Variants in DENND2A observed in about 807,000 individuals in gnomAD.
The protein encoded by DENND2A is DENN domain containing 2A, also known as DENN domain-containing protein 2A.
In DENND2A, 53 loss-of-function variants were observed where a neutral mutation model predicts 105.3. That is an observed-to-expected ratio of 0.50 (90% CI 0.40 to 0.63). The LOEUF is 0.63. Ranked by LOEUF, DENND2A falls within the 30% of genes least tolerant of loss-of-function variation. DENND2A has a pLI of 0.00. For synonymous variants in DENND2A, 522 were observed against 508.4 expected, an observed-to-expected ratio of 1.03 and a Z score of -0.36; for missense variants, 1,138 against 1,279.6, an observed-to-expected ratio of 0.89 and a Z score of 1.69.
chr7:140,542,339 G>A (rs1796697546), intron 14 of DENND2A, among the ~76,000 whole-genome samples: 1 of 152,168 alleles, frequency 6.6e-6, no homozygotes, highest in African/African-American at 2.4e-5. Flanking sequence ...TGCCCACTGG[G>A]ACGGGGGTGG....
At chr7:140,542,528 A>G (rs1333443750) in intron 14 of DENND2A, among the ~76,000 whole-genome samples, 1 of 149,034 alleles carries the variant, frequency 6.7e-6, no homozygotes. Flanking sequence ...TCTCTGGGCC[A>G]GCCCTAGTGA....
intron 18 of DENND2A, among the ~76,000 whole-genome samples, chr7:140,520,778 C>T (rs1327400760): frequency 6.6e-6 from 1 of 151,490 alleles, no homozygotes; most frequent in African/African-American, 2.4e-5. Context: ...AGGTTGGTCT[C>T]GAACTCCTGA....
chr7:140,584,504 G>A (rs923014212), intron 5 of DENND2A, among the ~76,000 whole-genome samples: 1 of 152,196 alleles, frequency 6.6e-6, no homozygotes, highest in Non-Finnish European at 1.5e-5. Context: ...TGGGAGATTA[G>A]GGGTAATGGG....
intron 3 of DENND2A, among the ~76,000 whole-genome samples, chr7:140,593,900 T>C (rs1364851095): frequency 2.1e-5 from 3 of 139,658 alleles, no homozygotes; most frequent in Admixed American, 7.1e-5. Context: ...CAAGCAAATC[T>C]TTTTTTTTTT....
chr7:140,578,237 G>A (rs561734526), intron 5 of DENND2A, among the ~76,000 whole-genome samples: 3 of 152,170 alleles, frequency 2.0e-5, no homozygotes, highest in Non-Finnish European at 4.4e-5. Context: ...GGGGTGGGGG[G>A]TGCAGTGGCA....
chr7:140,519,565 C>A, intron 19 of DENND2A, 67 bp downstream of exon 19: 2 of 1,445,740 alleles, frequency 1.4e-6, no homozygotes, highest in South Asian at 2.3e-5. Context: ...TGGAGGGAAC[C>A]GGCTGGGACT....
At chr7:140,573,360 G>A (rs1798172001) in intron 6 of DENND2A, among the ~76,000 whole-genome samples, 1 of 152,202 alleles carries the variant, frequency 6.6e-6, no homozygotes, top group South Asian at 2.1e-4. Flanking sequence ...ATATTTCCAA[G>A]CCCCTGGGAA....
chr7:140,547,596 A>G (rs1464980973), intron 12 of DENND2A, among the ~76,000 whole-genome samples: 2 of 152,220 alleles, frequency 1.3e-5, no homozygotes, highest in African/African-American at 4.8e-5. Context: ...GGTTAAACAT[A>G]GAGTTACCAT....
intron 2 of DENND2A, among the ~76,000 whole-genome samples, chr7:140,603,111 C>T (rs186075794): frequency 2.0e-5 from 3 of 152,010 alleles, no homozygotes; most frequent in Non-Finnish European, 4.4e-5. Context: ...GGTGAAACCC[C>T]GTCTGTACTA....
chr7:140,619,414 C>T (rs1397782109), intron 1 of DENND2A, among the ~76,000 whole-genome samples: 1 of 151,888 alleles, frequency 6.6e-6, no homozygotes, highest in African/African-American at 2.4e-5. Context: ...GACAGGTTTG[C>T]ATTTCTTTCC....
At chr7:140,581,493 C>T (rs558857665) in intron 5 of DENND2A, among the ~76,000 whole-genome samples, 1 of 152,314 alleles carries the variant, frequency 6.6e-6, no homozygotes, top group South Asian at 2.1e-4. Context: ...GGCTGAGGAT[C>T]TCTCCGCAGC....
rs375700667 is a variant in DENND2A, at chr7:140,559,746, G to A, written c.1851C>T (p.Pro617=). 1.3e-4 allele frequency: 206 copies of A among 1,614,014 alleles called. No individual in the cohort carries two copies. The highest frequency in any genetic ancestry group is 1.9e-4 in the African/African-American group (14 of 74,912). Residue 617 remains proline (P), a synonymous_variant, in exon 10 of 20, where the codon CCC becomes CCT. Transcript: ENST00000496613. This position sits in a 1 kb window ranked among gnomAD's most constrained non-coding sequence, Gnocchi z 4.1. ...GGACAGGAACCCAATCCTTGGCATCGGGAAAACAGAACTGGGGAATGGCCT... is the reference window on the plus strand; with the variant it reads ...GGACAGGAACCCAATCCTTGGCATCAGGAAAACAGAACTGGGGAATGGCCT... The part of the protein sequence containing the change: ...QLKAIPQFCF[P]DAKDWVPVQQ...
In DENND2A at chr7:140,640,052, G is replaced by C. The variant is rs543760681; in HGVS notation, c.-248+452C>G. Among the ~76,000 whole-genome samples, 1 of 152,332 alleles carries C rather than the reference G, an allele frequency of 6.6e-6. No homozygotes were observed. Among genetic ancestry groups the C allele is most frequent in the South Asian group, 2.1e-4 (1 of 4,832 alleles). On this transcript the variant is annotated intron_variant, in intron 1 of 19. Coordinates refer to ENST00000496613, the MANE Select transcript of DENND2A (RefSeq NM_015689.5). This position sits in a 1 kb window ranked among gnomAD's most constrained non-coding sequence, Gnocchi z 4.9. ...CTGCAAATGCTGACCGCTGTGAGGGGGGCCCGGCTGCTCAGCCGCCTCGAT... is the reference window on the plus strand; with the variant it reads ...CTGCAAATGCTGACCGCTGTGAGGGCGGCCCGGCTGCTCAGCCGCCTCGAT...
intron 5 of DENND2A, among the ~76,000 whole-genome samples, chr7:140,574,657 T>C (rs1325090475): frequency 2.0e-5 from 3 of 152,256 alleles, no homozygotes; most frequent in Non-Finnish European, 4.4e-5. Flanking sequence ...GCAGGATTGC[T>C]GAGTGCCTTT....
At position 140,555,648 on chromosome 7, in the gene DENND2A, G is replaced by T; in HGVS notation, c.2025C>A (p.Ser675Arg). 6.2e-7 allele frequency: 1 copy of T among 1,610,736 alleles called. No homozygotes were observed. The highest frequency in any genetic ancestry group is 8.5e-7 in the Non-Finnish European group (1 of 1,178,906). ...TCCAAGTTCTCACCCTTGAAAAGAG[G>T]CTGAAGCATCCCAGGCGGCTCACAA... ...YCIVSRLGCF[S>R]LFSRILDEVE... The change falls in exon 12 of 20, where the codon AGC becomes AGA. Residue 675 changes from serine (S) to arginine (R), a missense_variant. This residue lies in a region of DENND2A where 627 missense variants were observed against 779.8 expected (regional missense o/e 0.80). Coordinates refer to ENST00000496613, the MANE Select transcript of DENND2A (RefSeq NM_015689.5).
At chr7:140,577,399 CTTT>C (rs60840763) in intron 5 of DENND2A, among the ~76,000 whole-genome samples, 5 of 141,944 alleles carry the variant, frequency 3.5e-5, no homozygotes, top group Non-Finnish European at 1.6e-5. Context: ...AAAACTTTTT[CTTT>C]TTTTTTTTTT....
intron 6 of DENND2A, among the ~76,000 whole-genome samples, chr7:140,571,279 C>T (rs1469818552): frequency 6.6e-6 from 1 of 152,122 alleles, no homozygotes; most frequent in East Asian, 1.9e-4. Context: ...ATGCCTCAGC[C>T]TCCCAAGTAG....
chr7:140,519,703 C>T lies in DENND2A; in HGVS notation c.2927G>A (p.Arg976Gln), dbSNP rs762385988. 1.9e-6 allele frequency: 3 copies of T among 1,613,970 alleles called. No homozygotes were observed. The highest frequency in any genetic ancestry group is 2.5e-6 in the Non-Finnish European group (3 of 1,180,012). ...GAGTGTTTCCAGATACTCTTGGGCT[C>T]GGACCTCAAACAGACCTGTTAACAA... ...RQDAKGLFEV[R>Q]AQEYLETLPS... The change falls in exon 19 of 20, where the codon CGA (arginine) becomes CAA (glutamine). Residue 976 changes from arginine to glutamine, a missense_variant. Physicochemically the swap from Arg to Gln is conservative, Grantham distance 43. Transcript: ENST00000496613.
intron 3 of DENND2A, among the ~76,000 whole-genome samples, chr7:140,587,986 C>G (rs1798858076): frequency 6.6e-6 from 1 of 152,220 alleles, no homozygotes; most frequent in African/African-American, 2.4e-5. Context: ...TCTTGGCTCA[C>G]TGCAACCTGC....
Sources: gnomAD v4.1 joint callset for allele counts (sites outside exome capture counted in the v4.1 genomes callset) on GRCh38, gnomAD v4.1.1 for gene constraint, gnomAD v4.1.1 regional missense constraint, Gnocchi (gnomAD v3.1) non-coding constraint, MANE v1.5 for transcripts, NCBI Gene and HGNC (gene_info 2026-07-23, HGNC 2026-07-21) for gene names.